The following CAPZA2 variants were observed in gnomAD, a reference collection of about 807,000 sequenced individuals.
CAPZA2 encodes capping actin protein of muscle Z-line subunit alpha 2.
A neutral mutation model predicts 44.0 loss-of-function variants in CAPZA2; 13 were observed. The observed-to-expected ratio is 0.30, with a 90% CI of 0.19 to 0.47. The LOEUF is 0.47. Ranked by LOEUF, CAPZA2 falls within the 20% of genes least tolerant of loss-of-function variation. The probability of loss-of-function intolerance (pLI) is 1.00; values close to 1 mark genes in which losing one functional copy is unlikely to be tolerated. For missense variants in CAPZA2, 244 were observed against 338.6 expected (o/e 0.72, Z 2.19); for synonymous variants, 94 against 108.2 (o/e 0.87, Z 0.81).
intron 6 of CAPZA2, among the ~76,000 whole-genome samples, chr7:116,908,294 A>G (rs1355986727): frequency 6.6e-6 from 1 of 152,112 alleles, no homozygotes; most frequent in Non-Finnish European, 1.5e-5. Flanking sequence ...ACTTCAGTTC[A>G]TCTAAAATAT....
chr7:116,903,956 A>G (rs1386223630), intron 4 of CAPZA2, among the ~76,000 whole-genome samples: 3 of 152,152 alleles, frequency 2.0e-5, no homozygotes, highest in Non-Finnish European at 4.4e-5. Flanking sequence ...TGGAAGTTAT[A>G]TTGGGAGAAA....
chr7:116,902,348 G>A (rs1035087146), intron 4 of CAPZA2, among the ~76,000 whole-genome samples: 3 of 152,180 alleles, frequency 2.0e-5, no homozygotes, highest in African/African-American at 7.2e-5. Flanking sequence ...GTAGAATGAA[G>A]CCTATCTTAA....
At chr7:116,880,696 C>CTTTGTTTTTT (rs1796684014) in intron 1 of CAPZA2, among the ~76,000 whole-genome samples, 1 of 24,686 alleles carries the variant, frequency 4.1e-5, no homozygotes, top group Admixed American at 6.8e-4. Flanking sequence ...TGTAACCTGC[C>CTTTGTTTTTT]TTTTTTTTTT....
chr7:116,877,862 A>C (rs1475374961), intron 1 of CAPZA2, among the ~76,000 whole-genome samples: 6 of 152,182 alleles, frequency 3.9e-5, no homozygotes, highest in African/African-American at 1.4e-4. Flanking sequence ...TCTGGTGGCA[A>C]GGTGGAAAAT....
In CAPZA2 at chr7:116,894,064, T is replaced by C. The variant is rs1425168775; in HGVS notation, c.155+1019T>C. On this transcript the variant is annotated intron_variant, in intron 3 of 9. Coordinates refer to ENST00000361183, the MANE Select transcript of CAPZA2 (RefSeq NM_006136.3). ...TTTCATCCTAGTATAATACCCAATA[T>C]GTAAAATCCTGACTGATGGCTGGGT... Among the ~76,000 whole-genome samples the C allele has an allele frequency of 3.3e-5, 5 of 152,098 alleles. No homozygotes were observed. The South Asian group carries it at 1.0e-3, about 31-fold the overall frequency.
intron 7 of CAPZA2, among the ~76,000 whole-genome samples, chr7:116,911,246 A>G (rs1347977652): frequency 6.6e-6 from 1 of 152,198 alleles, no homozygotes; most frequent in African/African-American, 2.4e-5. Flanking sequence ...AGCATTTAGC[A>G]TAGTACCATA....
At chr7:116,883,465 G>C (rs1041757041) in intron 1 of CAPZA2, among the ~76,000 whole-genome samples, 54 of 152,200 alleles carry the variant, frequency 3.5e-4, no homozygotes, top group African/African-American at 1.3e-3. Flanking sequence ...TCTAGGGCCT[G>C]AGAAATCCAA....
intron 6 of CAPZA2, among the ~76,000 whole-genome samples, chr7:116,907,616 A>G (rs547862765): frequency 1.8e-4 from 27 of 152,280 alleles, no homozygotes; most frequent in African/African-American, 5.8e-4. Context: ...GAGCTTTAAC[A>G]TATATAAAAT....
Position 116,906,279 on chromosome 7 carries a change from T to A in CAPZA2, c.443T>A (p.Ile148Lys). ...GCCAATAAGGTGTATGGCAAAAAAA[T>A]AGATGGACAGCAAACCATTATTGCA... ...NGVCTVYGKKIDGQQTIIACI... is the reference protein window; with the variant it reads ...NGVCTVYGKKKDGQQTIIACI... The change falls in exon 6 of 10, where the codon ATA becomes AAA. Residue 148 changes from isoleucine (I) to lysine (K), a missense_variant. Transcript: ENST00000361183. 1 of 1,612,954 alleles carries A rather than the reference T, an allele frequency of 6.2e-7. No individual in the cohort carries two copies. The highest frequency in any genetic ancestry group is 8.5e-7 in the Non-Finnish European group (1 of 1,179,760).
intron 1 of CAPZA2, among the ~76,000 whole-genome samples, chr7:116,872,932 T>A (rs1488321789): frequency 1.3e-5 from 2 of 152,220 alleles, no homozygotes; most frequent in Non-Finnish European, 2.9e-5. Context: ...GGAGAGATTT[T>A]CTAAAACATA....
At chr7:116,914,187 C>T (rs901029096) in intron 8 of CAPZA2, among the ~76,000 whole-genome samples, 2 of 151,452 alleles carry the variant, frequency 1.3e-5, no homozygotes, top group African/African-American at 4.9e-5. Flanking sequence ...ACTACCACAC[C>T]CGGCTAATTT....
intron 1 of CAPZA2, among the ~76,000 whole-genome samples, chr7:116,881,742 A>C (rs1473370928): frequency 6.8e-6 from 1 of 147,654 alleles, no homozygotes; most frequent in Middle Eastern, 3.2e-3. Flanking sequence ...CTGTCTCAAA[A>C]AAAAAAAAAA....
At chr7:116,864,811 T>C (rs567138966) in intron 1 of CAPZA2, among the ~76,000 whole-genome samples, 1 of 152,232 alleles carries the variant, frequency 6.6e-6, no homozygotes, top group South Asian at 2.1e-4. Flanking sequence ...TGCCAAGGTG[T>C]GGAGGATCGC....
intron 1 of CAPZA2, among the ~76,000 whole-genome samples, chr7:116,870,753 A>G (rs1168056664): frequency 6.6e-6 from 1 of 152,208 alleles, no homozygotes; most frequent in Non-Finnish European, 1.5e-5. Context: ...CCCACAAGAA[A>G]TGGAGGAAAA....
At chr7:116,882,406 C>G (rs1796713462) in intron 1 of CAPZA2, among the ~76,000 whole-genome samples, 1 of 151,886 alleles carries the variant, frequency 6.6e-6, no homozygotes, top group Non-Finnish European at 1.5e-5. Flanking sequence ...CTCATAGATT[C>G]TTGTTTTATT....
intron 7 of CAPZA2, among the ~76,000 whole-genome samples, chr7:116,910,704 T>C (rs1426754310): frequency 1.3e-5 from 2 of 152,134 alleles, no homozygotes; most frequent in Non-Finnish European, 2.9e-5. Flanking sequence ...ATTGTATGCA[T>C]GTATTAACGT....
Position 116,920,978 on chromosome 7 carries a change from C to G in CAPZA2, c.*3111C>G, listed in dbSNP as rs1791763241. ...GGTATGATGATGGTCTGTGGAATTTCAGCTGGGTAAGCAGGGAAGTGAGGG... is the reference window on the plus strand; with the variant it reads ...GGTATGATGATGGTCTGTGGAATTTGAGCTGGGTAAGCAGGGAAGTGAGGG... On this transcript the variant is annotated 3_prime_UTR_variant, in exon 10 of 10. Coordinates refer to ENST00000361183, the MANE Select transcript of CAPZA2 (RefSeq NM_006136.3). The G allele has an allele frequency of 6.6e-6, 1 of 152,342 alleles. No individual in the cohort carries two copies. The highest frequency in any genetic ancestry group is 1.5e-5 in the Non-Finnish European group (1 of 68,206). 9.4% of individuals were successfully genotyped at this position (152,342 alleles called of 1,614,324 possible). A position where few individuals can be genotyped will look rare whatever the true frequency, so the allele number is the denominator to read the frequency against.
chr7:116,912,967 A>G (rs1268701991), intron 8 of CAPZA2, among the ~76,000 whole-genome samples: 1 of 152,198 alleles, frequency 6.6e-6, no homozygotes. Flanking sequence ...TTTTGATGAT[A>G]GCCATCCTAG....
intron 1 of CAPZA2, among the ~76,000 whole-genome samples, chr7:116,878,870 G>T (rs1488756626): frequency 6.6e-6 from 1 of 152,054 alleles, no homozygotes; most frequent in Non-Finnish European, 1.5e-5. Flanking sequence ...GCTCACACCT[G>T]TAATCCCAGC....
Sources: allele counts gnomAD v4.1 joint callset (sites outside exome capture counted in the v4.1 genomes callset), GRCh38; gene constraint gnomAD v4.1.1; transcripts MANE v1.5; gene names NCBI Gene and HGNC (gene_info 2026-07-23, HGNC 2026-07-21).